CUTC: variants seen among roughly 807,000 people sequenced by gnomAD.
CUTC encodes the protein cutC copper transporter, also known as copper homeostasis protein cutC homolog.
CUTC carries 27 observed loss-of-function variants against 36.2 expected under a neutral mutation model. The observed-to-expected ratio is 0.75, with a 90% CI of 0.55 to 1.03. CUTC has a LOEUF of 1.03. CUTC is among the 50% of genes least tolerant of loss of function. CUTC has a pLI of 0.00. For missense variants in CUTC, 315 were observed against 343.5 expected (o/e 0.92, Z 0.66); for synonymous variants, 114 against 118.3 (o/e 0.96, Z 0.24).
At chr10:99,738,052 A>G (rs1365345346) in intron 2 of CUTC, among the ~76,000 whole-genome samples, 2 of 152,012 alleles carry the variant, frequency 1.3e-5, no homozygotes, top group South Asian at 4.1e-4. Context: ...AAGCTGAGGC[A>G]GGAGAATTGC....
chr10:99,748,142 T>G (rs573181637), intron 6 of CUTC, among the ~76,000 whole-genome samples: 15 of 152,254 alleles, frequency 9.9e-5, no homozygotes, highest in African/African-American at 3.6e-4. Context: ...GTTTGATACT[T>G]GCTATGTGAT....
chr10:99,735,508 A>G (rs1052065862), intron 1 of CUTC, among the ~76,000 whole-genome samples: 2 of 152,148 alleles, frequency 1.3e-5, no homozygotes, highest in Non-Finnish European at 2.9e-5. Context: ...CCTGGGTTCA[A>G]GCGATTCTCA....
At chr10:99,743,031 T>C (rs746268318) in intron 3 of CUTC, 122 bp from the exon 4 acceptor site, 110 of 820,216 alleles carry the variant, frequency 1.3e-4, no homozygotes, top group African/African-American at 5.8e-4. Flanking sequence ...CTACCATATA[T>C]ACATTTTTCT....
At chr10:99,742,687 T>G (rs907579592) in intron 3 of CUTC, among the ~76,000 whole-genome samples, 1 of 150,318 alleles carries the variant, frequency 6.7e-6, no homozygotes, top group Non-Finnish European at 1.5e-5. Flanking sequence ...AGAACTTTGC[T>G]CCCTTTCACG....
rs778867662 is a variant in CUTC, at chr10:99,744,056, A to G, written c.423A>G (p.Pro141=). Reference sequence around the variant, plus strand: ...TTATAGCTATTTGCCGCCCTCTGCCAGTCACTTTCCACCGAGGTGAGTCAT... The same window carrying G: ...TTATAGCTATTTGCCGCCCTCTGCCGGTCACTTTCCACCGAGGTGAGTCAT... ...MSLMAICRPL[P]VTFHRAFDMV... is the part of the protein sequence containing the mutation. The change falls in exon 5 of 9, where the codon CCA becomes CCG. Residue 141 remains proline (P), a synonymous_variant. Coordinates refer to ENST00000370476, the MANE Select transcript of CUTC (RefSeq NM_015960.3). 1.2e-6 allele frequency: 2 copies of G among 1,612,704 alleles called. No homozygotes were observed. Among genetic ancestry groups the G allele is most frequent in the Admixed American group, 1.7e-5 (1 of 59,984 alleles).
At chr10:99,743,078 T>A in intron 3 of CUTC, 75 bp from the exon 4 acceptor site, 1 of 1,414,266 alleles carries the variant, frequency 7.1e-7, no homozygotes, top group Non-Finnish European at 1.0e-6. Context: ...GCCATCTTTG[T>A]CTGGTAAATG....
At chr10:99,745,149 A>C (rs573009380) in intron 5 of CUTC, among the ~76,000 whole-genome samples, 1 of 152,376 alleles carries the variant, frequency 6.6e-6, no homozygotes, top group South Asian at 2.1e-4. Context: ...CTGCCATTGC[A>C]CATGAAAAGA....
chr10:99,732,621 A>G, intron 1 of CUTC: 1 of 1,421,178 alleles, frequency 7.0e-7, no homozygotes, highest in South Asian at 1.5e-5. Flanking sequence ...TGTGGAGCCA[A>G]GGTTCGAGTC....
intron 3 of CUTC, among the ~76,000 whole-genome samples, chr10:99,741,139 A>T (rs767407570): frequency 2.0e-5 from 3 of 152,200 alleles, no homozygotes; most frequent in African/African-American, 7.2e-5. Flanking sequence ...TTTATTGGTT[A>T]CTAGACATTT....
intron 4 of CUTC, among the ~76,000 whole-genome samples, chr10:99,743,694 G>T (rs1349803742): frequency 6.6e-6 from 1 of 152,182 alleles, no homozygotes; most frequent in Non-Finnish European, 1.5e-5. Flanking sequence ...CAAGTTGGAA[G>T]ATGCAAAGAG....
At chr10:99,737,438 T>C (rs1455462823) in intron 2 of CUTC, among the ~76,000 whole-genome samples, 4 of 152,000 alleles carry the variant, frequency 2.6e-5, no homozygotes, top group African/African-American at 9.7e-5. Flanking sequence ...AATAGGTAAG[T>C]TTATGTAGAC....
chr10:99,737,387 G>A (rs4919392), intron 2 of CUTC, among the ~76,000 whole-genome samples: 1 of 152,050 alleles, frequency 6.6e-6, no homozygotes, highest in Admixed American at 6.6e-5. Context: ...AGAAACCAGT[G>A]GAAGAAAATA....
chr10:99,752,756 T>C (rs2037429147), intron 7 of CUTC, among the ~76,000 whole-genome samples: 1 of 152,244 alleles, frequency 6.6e-6, no homozygotes, highest in Non-Finnish European at 1.5e-5. Flanking sequence ...GATTAATTTC[T>C]TTAACAAACC....
intron 2 of CUTC, among the ~76,000 whole-genome samples, chr10:99,737,816 T>C (rs567413962): frequency 3.3e-5 from 5 of 151,860 alleles, no homozygotes; most frequent in African/African-American, 9.7e-5. Context: ...ATCCCAGACA[T>C]CATGTTAATT....
intron 1 of CUTC, among the ~76,000 whole-genome samples, chr10:99,735,220 C>T (rs892347093): frequency 6.8e-6 from 1 of 147,200 alleles, no homozygotes; most frequent in Non-Finnish European, 1.5e-5. Context: ...TAAGAAGGAA[C>T]AATTGGGGTT....
rs2037453695 is a variant in CUTC, at chr10:99,755,885, C to T, written c.*146C>T. 1.4e-5 allele frequency: 8 copies of T among 563,954 alleles called. No homozygotes were observed. The highest frequency in any genetic ancestry group is 2.5e-5 in the Non-Finnish European group (8 of 319,188). 34.9% of individuals were successfully genotyped at this position (563,954 alleles called of 1,614,324 possible). A position where few individuals can be genotyped will look rare whatever the true frequency, so the allele number is the denominator to read the frequency against. ...TTTCACATGGCCATGGAGAATGTGC[C>T]CAAGAAGAAAAAGAATTTGAAACAG... On this transcript the variant is annotated 3_prime_UTR_variant, in exon 9 of 9. Coordinates refer to ENST00000370476, the MANE Select transcript of CUTC (RefSeq NM_015960.3).
At chr10:99,743,061 T>A in intron 3 of CUTC, 92 bp from the exon 4 acceptor site, 1 of 1,258,430 alleles carries the variant, frequency 7.9e-7, no homozygotes, top group Non-Finnish European at 1.2e-6. Flanking sequence ...CTGTCCTACC[T>A]TTTAGAGCCA....
At chr10:99,734,354 A>AC (rs1386072492) in intron 1 of CUTC, among the ~76,000 whole-genome samples, 1 of 152,216 alleles carries the variant, frequency 6.6e-6, no homozygotes, top group Non-Finnish European at 1.5e-5. Context: ...GGCGTGAGCC[A>AC]CCGCGCCGGA....
At chr10:99,752,536 CTGAG>C (rs1286796911) in intron 7 of CUTC, among the ~76,000 whole-genome samples, 20 of 152,144 alleles carry the variant, frequency 1.3e-4, no homozygotes, top group Admixed American at 1.3e-3. Context: ...TAAAGAGACT[CTGAG>C]TGTGATGCTT....
Sources: allele counts gnomAD v4.1 joint callset (sites outside exome capture counted in the v4.1 genomes callset), GRCh38; gene constraint gnomAD v4.1.1; transcripts MANE v1.5; gene names NCBI Gene and HGNC (gene_info 2026-07-23, HGNC 2026-07-21).